Variants in CYFIP1 observed in about 807,000 individuals in gnomAD.
The protein encoded by CYFIP1 is cytoplasmic FMR1 interacting protein 1, also known as cytoplasmic FMR1-interacting protein 1.
CYFIP1 carries 58 observed loss-of-function variants against 163.5 expected under a neutral mutation model. The ratio of observed to expected loss-of-function variants is 0.35; its 90% CI spans 0.29 to 0.44. CYFIP1 has a LOEUF of 0.44. Among genes scored for constraint, CYFIP1 ranks in the 20% least tolerant of loss-of-function variants. The pLI, the probability that CYFIP1 is intolerant of heterozygous loss-of-function variation, is 1.00. For synonymous variants in CYFIP1, 663 were observed against 660.7 expected, an observed-to-expected ratio of 1.00 and a Z score of -0.05; for missense variants, 1,338 against 1,653.8, an observed-to-expected ratio of 0.81 and a Z score of 3.31.
chr15:22,965,767 G>A (rs1352126104), intron 1 of CYFIP1, among the ~76,000 whole-genome samples: 1 of 152,146 alleles, frequency 6.6e-6, no homozygotes, highest in Non-Finnish European at 1.5e-5. Context: ...CCAGGCCCCA[G>A]CCCCTTCCCG....
At chr15:22,954,346 A>G (rs1277928235) in intron 1 of CYFIP1, among the ~76,000 whole-genome samples, 1 of 152,222 alleles carries the variant, frequency 6.6e-6, no homozygotes, top group Non-Finnish European at 1.5e-5. Flanking sequence ...GCAAATGAAC[A>G]CAGAGCCAAG....
chr15:22,903,699 C>G lies in CYFIP1; in HGVS notation c.2588+7G>C. ...CCTGTGGGCGCCTGTGTGGCGGGCACGCTCACCGGTTGGTAGAGCCGTTGT... is the reference window on the plus strand; with the variant it reads ...CCTGTGGGCGCCTGTGTGGCGGGCAGGCTCACCGGTTGGTAGAGCCGTTGT... On this transcript the variant is annotated splice_region_variant and intron_variant, in intron 22 of 30. Transcript: ENST00000617928. 19 of 1,612,872 alleles carry G rather than the reference C, an allele frequency of 1.2e-5. No individual in the cohort carries two copies. Among genetic ancestry groups the G allele is most frequent in the Non-Finnish European group, 1.6e-5 (19 of 1,179,906 alleles).
Position 22,900,189 on chromosome 15 carries a change from A to C in CYFIP1, c.2588+3517T>G, listed in dbSNP as rs560473160. ...ACCCAATATGACTGAAGTCCTTGCG[A>C]GAAGAGAAGAGACAGAGACACACAG... On this transcript the variant is annotated intron_variant, in intron 22 of 30. Transcript: ENST00000617928. Among the ~76,000 whole-genome samples, 77 of 152,210 alleles carry C rather than the reference A, an allele frequency of 5.1e-4. 1 individual carries two copies. The highest frequency in any genetic ancestry group is 7.9e-4 in the Non-Finnish European group (54 of 67,992).
chr15:22,931,132 A>G (rs1006684363), intron 11 of CYFIP1, among the ~76,000 whole-genome samples: 3 of 152,152 alleles, frequency 2.0e-5, no homozygotes, highest in Non-Finnish European at 2.9e-5. Flanking sequence ...ATCGTCCTGC[A>G]GTGGGTGGGG....
chr15:22,942,952 C>T (rs537463843), intron 6 of CYFIP1, among the ~76,000 whole-genome samples: 2 of 152,318 alleles, frequency 1.3e-5, no homozygotes, highest in South Asian at 2.1e-4. Context: ...GCACGAAGAG[C>T]CTGCTCTAGC....
chr15:22,980,663 A>T (rs1172255473), upstream of CYFIP1, among the ~76,000 whole-genome samples: 1 of 151,940 alleles, frequency 6.6e-6, no homozygotes, highest in Non-Finnish European at 1.5e-5. Flanking sequence ...TCGGAGCGCG[A>T]AGGAACGGGG....
intron 1 of CYFIP1, among the ~76,000 whole-genome samples, chr15:22,959,527 C>T (rs111767870): frequency 5.9e-4 from 90 of 152,236 alleles, no homozygotes; most frequent in Non-Finnish European, 1.1e-3. Flanking sequence ...CATGGCCGGG[C>T]AGTCCCGCCT....
chr15:22,968,973 C>T (rs1278468847), intron 1 of CYFIP1, among the ~76,000 whole-genome samples: 2 of 152,154 alleles, frequency 1.3e-5, no homozygotes, highest in African/African-American at 4.8e-5. Flanking sequence ...AGCACATCTC[C>T]TTCTGTGAGT....
chr15:22,963,740 A>G (rs2062785775), intron 1 of CYFIP1, among the ~76,000 whole-genome samples: 1 of 152,144 alleles, frequency 6.6e-6, no homozygotes, highest in Non-Finnish European at 1.5e-5. Context: ...CTCACCAGCC[A>G]GAGCACGGCC....
intron 3 of CYFIP1, 84 bp downstream of exon 3, chr15:22,946,919 T>C (rs747601179): frequency 1.0e-5 from 12 of 1,162,620 alleles, no homozygotes; most frequent in Non-Finnish European, 1.6e-5. Context: ...GCATAGTCTA[T>C]TGGGATAATA....
chr15:22,880,752 G>C (rs1417618572), intron 25 of CYFIP1, among the ~76,000 whole-genome samples: 1 of 152,140 alleles, frequency 6.6e-6, no homozygotes, highest in Non-Finnish European at 1.5e-5. Flanking sequence ...TCTTGCCCGA[G>C]TGCCCCTTCC....
chr15:22,914,737 T>C lies in CYFIP1; in HGVS notation c.1974A>G (p.Ala658=), dbSNP rs1274245786. The change falls in exon 17 of 31, where the codon GCA becomes GCG. Residue 658 remains alanine (A), a synonymous_variant. Coordinates refer to ENST00000617928, the MANE Select transcript of CYFIP1 (RefSeq NM_014608.6). ...LTDHILETKE[A]SMMEYVLYSL... ...CGCAGGACACGCACTCCATCATCGATGCCTCCTTGGTCTCCAGGATGTGGT... is the reference window on the plus strand; with the variant it reads ...CGCAGGACACGCACTCCATCATCGACGCCTCCTTGGTCTCCAGGATGTGGT... 3 of 1,611,862 alleles carry C rather than the reference T, an allele frequency of 1.9e-6. No individual in the cohort carries two copies. Among genetic ancestry groups the C allele is most frequent in the African/African-American group, 2.7e-5 (2 of 74,800 alleles).
chr15:22,890,041 C>A (rs1162264717), intron 23 of CYFIP1, among the ~76,000 whole-genome samples: 2 of 152,010 alleles, frequency 1.3e-5, no homozygotes, highest in African/African-American at 4.8e-5. Context: ...TTGGCTCATG[C>A]CTGTAATTCC....
In CYFIP1 at chr15:22,903,918, A is replaced by T. The variant is rs1238559461; in HGVS notation, c.2389-13T>A. On this transcript the variant is annotated splice_polypyrimidine_tract_variant and intron_variant, in intron 21 of 30. Transcript: ENST00000617928. ...GGCCATCCAGCTCCTGTGGCACCAA[A>T]GACAGGGGTGGGTGACAGAGCTGGT... 3.1e-6 allele frequency: 5 copies of T among 1,612,870 alleles called. No homozygotes were observed. In the East Asian group the frequency reaches 1.1e-4, roughly 36 times the overall value.
chr15:22,925,951 T>C (rs765647692), intron 13 of CYFIP1, 31 bp downstream of exon 13: 2 of 1,607,976 alleles, frequency 1.2e-6, no homozygotes, highest in South Asian at 1.1e-5. Context: ...TAGAGCGACA[T>C]GAGGAAGAGC....
intron 9 of CYFIP1, among the ~76,000 whole-genome samples, chr15:22,935,031 T>A (rs1333684036): frequency 6.6e-6 from 1 of 152,106 alleles, no homozygotes; most frequent in African/African-American, 2.4e-5. Flanking sequence ...TCAAAATAGA[T>A]CTATAATCAA....
intron 1 of CYFIP1, among the ~76,000 whole-genome samples, chr15:22,964,404 CACA>C (rs2062829270): frequency 6.8e-6 from 1 of 147,206 alleles, no homozygotes; most frequent in Non-Finnish European, 1.5e-5. Context: ...CACACACACA[CACA>C]CCCGGCAGCC....
At position 22,929,941 on chromosome 15, in the gene CYFIP1, CAAACAAA is replaced by C. The variant is rs990475688; in HGVS notation, c.1111-1920_1111-1914del. Among the ~76,000 whole-genome samples the C allele has an allele frequency of 1.9e-4, 25 of 133,926 alleles. No individual in the cohort carries two copies. In the South Asian group the frequency reaches 5.6e-3, roughly 30 times the overall value. The allele number at this position is 133,926 out of a possible 152,430, so 87.9% of individuals were successfully genotyped here. A position where few individuals can be genotyped will look rare whatever the true frequency, so the allele number is the denominator to read the frequency against. On this transcript the variant is annotated intron_variant, in intron 11 of 30. Transcript: ENST00000617928. ...ACAGAGCAAGACTCCACCTCAAAAACAAACAAAAAAAAGACTAGATTATGACATAATG... is the reference window on the plus strand; with the variant it reads ...ACAGAGCAAGACTCCACCTCAAAAACAAAAAGACTAGATTATGACATAATG...
chr15:22,891,849 G>C (rs965965966), intron 23 of CYFIP1, among the ~76,000 whole-genome samples: 1 of 152,244 alleles, frequency 6.6e-6, no homozygotes, highest in Non-Finnish European at 1.5e-5. Flanking sequence ...CATTGTTTCC[G>C]CCACTCAGAG....
Sources: gnomAD v4.1 joint callset for allele counts (sites outside exome capture counted in the v4.1 genomes callset) on GRCh38, gnomAD v4.1.1 for gene constraint, MANE v1.5 for transcripts, NCBI Gene and HGNC (gene_info 2026-07-23, HGNC 2026-07-21) for gene names.